Variants in ANKS1B observed in about 807,000 individuals in gnomAD.
The protein encoded by ANKS1B is ankyrin repeat and sterile alpha motif domain-containing protein 1B.
Under a neutral mutation model 148.3 loss-of-function variants are expected in ANKS1B, and 36 were observed. The ratio of observed to expected loss-of-function variants is 0.24; its 90% CI spans 0.19 to 0.32. The LOEUF (loss-of-function observed/expected upper bound fraction) is 0.32, where lower values mean the gene tolerates loss of function less well. Ranked by LOEUF, ANKS1B falls within the 10% of genes least tolerant of loss-of-function variation. The probability of loss-of-function intolerance (pLI) is 1.00; values close to 1 mark genes in which losing one functional copy is unlikely to be tolerated. For missense variants in ANKS1B, 1,157 were observed against 1,542.6 expected (o/e 0.75, Z 4.19); for synonymous variants, 542 against 560.8 (o/e 0.97, Z 0.47).
At chr12:99,304,140 T>C (rs1042988940) in intron 12 of ANKS1B, among the ~76,000 whole-genome samples, 3 of 152,142 alleles carry the variant, frequency 2.0e-5, no homozygotes, top group Admixed American at 6.6e-5. Context: ...AGTAGTGGGA[T>C]TGCTGGATCA....
intron 1 of ANKS1B, among the ~76,000 whole-genome samples, chr12:99,914,997 G>A (rs756552506): frequency 5.9e-5 from 9 of 152,066 alleles, no homozygotes; most frequent in East Asian, 1.9e-4. Flanking sequence ...AGGCTGAGGC[G>A]GGTGGATCAC....
At chr12:99,005,580 T>C (rs1457559494) in intron 17 of ANKS1B, among the ~76,000 whole-genome samples, 2 of 152,198 alleles carry the variant, frequency 1.3e-5, no homozygotes, top group African/African-American at 2.4e-5. Context: ...TCCTCTATCC[T>C]CTTTTTACAT....
intron 17 of ANKS1B, chr12:98,895,005 C>G (rs2099761740): frequency 1.2e-6 from 1 of 815,228 alleles, no homozygotes; most frequent in African/African-American, 1.9e-5. Context: ...GCGGCGGCGG[C>G]GGCGCGTCCT....
intron 1 of ANKS1B, among the ~76,000 whole-genome samples, chr12:99,890,508 C>A (rs2093038353): frequency 6.6e-6 from 1 of 151,704 alleles, no homozygotes; most frequent in Non-Finnish European, 1.5e-5. Flanking sequence ...TGTGAACTTG[C>A]CAGCTCCCAT....
chr12:99,330,358 G>A (rs370776703), intron 12 of ANKS1B, among the ~76,000 whole-genome samples: 10 of 151,924 alleles, frequency 6.6e-5, no homozygotes, highest in East Asian at 5.8e-4. Flanking sequence ...AGAAATGGAA[G>A]ATTCCTAGCC....
At chr12:99,873,169 C>T (rs2091718122) in intron 1 of ANKS1B, among the ~76,000 whole-genome samples, 2 of 152,140 alleles carry the variant, frequency 1.3e-5, no homozygotes, top group African/African-American at 4.8e-5. Context: ...TTATTATTAT[C>T]ACCATCATTT....
intron 1 of ANKS1B, among the ~76,000 whole-genome samples, chr12:99,868,056 G>T (rs1233063181): frequency 6.6e-6 from 1 of 152,118 alleles, no homozygotes; most frequent in Non-Finnish European, 1.5e-5. Flanking sequence ...TATCTCAATA[G>T]ATGCAGAAAA....
chr12:99,117,954 A>C (rs923643754), intron 15 of ANKS1B, among the ~76,000 whole-genome samples: 1 of 152,166 alleles, frequency 6.6e-6, no homozygotes, highest in African/African-American at 2.4e-5. Flanking sequence ...GGATTTATCC[A>C]TTTCTTCTAG....
chr12:99,488,937 TATA>T (rs1567200250), intron 10 of ANKS1B, among the ~76,000 whole-genome samples: 1 of 152,134 alleles, frequency 6.6e-6, no homozygotes, highest in Non-Finnish European at 1.5e-5. Context: ...ATTATACTTC[TATA>T]ATAAGAAAAA....
chr12:99,151,688 T>G (rs898316093), intron 15 of ANKS1B, among the ~76,000 whole-genome samples: 1 of 152,186 alleles, frequency 6.6e-6, no homozygotes, highest in Non-Finnish European at 1.5e-5. Flanking sequence ...TAGAACAGAT[T>G]TAGCAAATAA....
intron 1 of ANKS1B, among the ~76,000 whole-genome samples, chr12:99,977,274 GT>G (rs1167302254): frequency 6.6e-6 from 1 of 152,256 alleles, no homozygotes; most frequent in South Asian, 2.1e-4. Flanking sequence ...CTCTCAAGTA[GT>G]TGGGGCTACA....
At chr12:98,786,714 T>G (rs2098798396) in intron 22 of ANKS1B, among the ~76,000 whole-genome samples, 4 of 152,200 alleles carry the variant, frequency 2.6e-5, no homozygotes, top group Admixed American at 2.6e-4. Context: ...AGCACTTCAG[T>G]TGTGAGCTGT....
chr12:99,560,462 G>C (rs1289485137), intron 9 of ANKS1B, among the ~76,000 whole-genome samples: 1 of 151,340 alleles, frequency 6.6e-6, no homozygotes, highest in East Asian at 1.9e-4. Context: ...TCTTTCTCTT[G>C]TTCCCTAGCT....
At chr12:99,007,470 C>T (rs924526613) in intron 17 of ANKS1B, among the ~76,000 whole-genome samples, 1 of 152,186 alleles carries the variant, frequency 6.6e-6, no homozygotes, top group Admixed American at 6.5e-5. Context: ...ATATTTTTAT[C>T]TCTAGTCACT....
rs190550019 is a variant in ANKS1B, at chr12:99,048,276, A to T, written c.2778+4881T>A. ...GTAGCAATTTCTGGGTAATTAGAACACAATTTTCCTTTCTGCACAGAGATA... is the reference window on the plus strand; with the variant it reads ...GTAGCAATTTCTGGGTAATTAGAACTCAATTTTCCTTTCTGCACAGAGATA... On this transcript the variant is annotated intron_variant, in intron 17 of 26. Coordinates refer to ENST00000683438, the MANE Select transcript of ANKS1B (RefSeq NM_001352186.2). 2.6e-5 allele frequency among the ~76,000 whole-genome samples: 4 copies of T among 152,370 alleles called. No individual in the cohort carries two copies. In the East Asian group the frequency reaches 7.7e-4, roughly 29 times the overall value.
At chr12:99,143,840 G>A (rs1001201168) in intron 15 of ANKS1B, among the ~76,000 whole-genome samples, 3 of 151,980 alleles carry the variant, frequency 2.0e-5, no homozygotes, top group African/African-American at 7.2e-5. Flanking sequence ...CAAGATCAAG[G>A]AATGCTCACG....
intron 12 of ANKS1B, among the ~76,000 whole-genome samples, chr12:99,387,948 G>A (rs550154014): frequency 5.3e-5 from 8 of 152,014 alleles, no homozygotes; most frequent in Non-Finnish European, 1.5e-5. Flanking sequence ...TGAACTCTAA[G>A]AACAACATAC....
intron 10 of ANKS1B, among the ~76,000 whole-genome samples, chr12:99,464,814 G>C (rs1310633411): frequency 6.6e-6 from 1 of 152,204 alleles, no homozygotes; most frequent in Non-Finnish European, 1.5e-5. Flanking sequence ...ATCTACGTCT[G>C]ATTGGTGTAC....
Position 98,829,058 on chromosome 12 carries a change from TG to T in ANKS1B, c.3066+115del. ...AAGGAATGAAAGGCGGGGCATAACA[TG>T]GTATAAATTCTAGTTAGGCACGGAC... On this transcript the variant is annotated intron_variant, in intron 19 of 26. Coordinates refer to ENST00000683438, the MANE Select transcript of ANKS1B (RefSeq NM_001352186.2). This position sits in a 1 kb window ranked among gnomAD's most constrained non-coding sequence, Gnocchi z 5.2. The T allele has an allele frequency of 1.7e-6, 2 of 1,170,062 alleles. No homozygotes were observed. The highest frequency in any genetic ancestry group is 2.5e-6 in the Non-Finnish European group (2 of 801,830). 72.5% of individuals were successfully genotyped at this position (1,170,062 alleles called of 1,614,324 possible). A position where few individuals can be genotyped will look rare whatever the true frequency, so the allele number is the denominator to read the frequency against.
Sources: gnomAD v4.1 joint callset for allele counts (sites outside exome capture counted in the v4.1 genomes callset) on GRCh38, gnomAD v4.1.1 for gene constraint, Gnocchi (gnomAD v3.1) non-coding constraint, MANE v1.5 for transcripts, NCBI Gene and HGNC (gene_info 2026-07-23, HGNC 2026-07-21) for gene names.